The following C2orf49 variants were observed in gnomAD, a reference collection of about 807,000 sequenced individuals.
C2orf49 encodes the protein tRNA splicing ligase complex subunit 2, also known as tRNA-splicing ligase complex subunit ASW.
C2orf49 carries 11 observed loss-of-function variants against 20.6 expected under a neutral mutation model. The ratio of observed to expected loss-of-function variants is 0.53; its 90% CI spans 0.34 to 0.88. The LOEUF (loss-of-function observed/expected upper bound fraction) is 0.88. C2orf49 is among the 40% of genes least tolerant of loss of function. The pLI is 0.02. For synonymous variants in C2orf49, 134 were observed against 108.5 expected (o/e 1.24, Z -1.46); for missense variants, 289 against 274.2 (o/e 1.05, Z -0.38).
At chr2:105,351,875 A>G (rs1175577290), downstream of C2orf49, among the ~76,000 whole-genome samples, 1 of 152,190 alleles carries the variant, frequency 6.6e-6, no homozygotes, top group Non-Finnish European at 1.5e-5. Context: ...ATTAACCCCT[A>G]TAGGTGTACA....
chr2:105,365,089 A>G, the C2orf49 span, among the ~76,000 whole-genome samples: 4 of 152,054 alleles, frequency 2.6e-5, no homozygotes, highest in Admixed American at 6.6e-5. Context: ...CATGCTTCCC[A>G]CCCACATCAG....
rs1679833931 is a variant in C2orf49, at chr2:105,347,120, T to C, written c.*1749T>C. The C allele has an allele frequency of 6.6e-6, 1 of 151,388 alleles. No homozygotes were observed. Among genetic ancestry groups the C allele is most frequent in the South Asian group, 2.1e-4 (1 of 4,780 alleles). 9.4% of individuals were successfully genotyped at this position (151,388 alleles called of 1,614,324 possible). A position where few individuals can be genotyped will look rare whatever the true frequency, so the allele number is the denominator to read the frequency against. ...ACTAAGACTTTAACCCAATAGTTTT[T>C]AATCATTCTGCCTTTATTCCAAACT... On this transcript the variant is annotated 3_prime_UTR_variant, in exon 4 of 4. Transcript: ENST00000258457.
chr2:105,361,099 T>G, the C2orf49 span: 1 of 522,526 alleles, frequency 1.9e-6, no homozygotes, highest in Non-Finnish European at 3.2e-6. Context: ...GAGTTTTCTC[T>G]TTCCCTGGGA....
At chr2:105,383,095 A>T in the C2orf49 span, among the ~76,000 whole-genome samples, 2 of 152,194 alleles carry the variant, frequency 1.3e-5, no homozygotes, top group Non-Finnish European at 2.9e-5. Context: ...CATGTTGGCC[A>T]GGCTGGTCTC....
the C2orf49 span, among the ~76,000 whole-genome samples, chr2:105,370,870 C>G: frequency 6.6e-6 from 1 of 152,128 alleles, no homozygotes; most frequent in Admixed American, 6.5e-5. Context: ...ACCGAAGATT[C>G]AATGGGATTC....
the C2orf49 span, chr2:105,374,079 C>T: frequency 1.7e-4 from 53 of 319,240 alleles, no homozygotes; most frequent in Admixed American, 2.3e-3. Context: ...TCTCACACCA[C>T]ATCCGGTGAC....
At position 105,345,494 on chromosome 2, in the gene C2orf49, T is replaced by C; in HGVS notation, c.*123T>C. 1.3e-6 allele frequency: 1 copy of C among 769,160 alleles called. No individual in the cohort carries two copies. The highest frequency in any genetic ancestry group is 1.8e-5 in the South Asian group (1 of 54,486). The allele number at this position is 769,160 out of a possible 1,614,324, so 47.6% of individuals were successfully genotyped here. ...ATTTTCTTAAGAGGTTTCAAATAGG[T>C]TTAAAAAAATAAAGGATTTATTTTC... On this transcript the variant is annotated 3_prime_UTR_variant, in exon 4 of 4. Transcript: ENST00000258457.
the C2orf49 span, among the ~76,000 whole-genome samples, chr2:105,385,460 G>A: frequency 1.3e-5 from 2 of 152,210 alleles, no homozygotes; most frequent in Admixed American, 6.5e-5. Context: ...TCCCTACAGA[G>A]CACAAAGCAA....
At chr2:105,377,617 C>A in the C2orf49 span, 1 of 163,976 alleles carries the variant, frequency 6.1e-6, no homozygotes, top group Non-Finnish European at 1.3e-5. Context: ...GCCTGGGCAA[C>A]AAGAGTGAAA....
downstream of C2orf49, among the ~76,000 whole-genome samples, chr2:105,353,509 T>C (rs1019298632): frequency 5.3e-5 from 8 of 152,188 alleles, no homozygotes; most frequent in African/African-American, 1.9e-4. Context: ...TGTATTTAGT[T>C]TTTACCCCAT....
chr2:105,361,479 C>G, the C2orf49 span: 1 of 1,569,316 alleles, frequency 6.4e-7, no homozygotes. Context: ...AAGTTAGAAT[C>G]AGGCAACTGG....
chr2:105,383,021 G>A, the C2orf49 span, among the ~76,000 whole-genome samples: 2 of 152,296 alleles, frequency 1.3e-5, no homozygotes, highest in Admixed American at 1.3e-4. Flanking sequence ...AAGTAGCTGG[G>A]ATTACAGGTG....
the C2orf49 span, among the ~76,000 whole-genome samples, chr2:105,381,115 C>T: frequency 6.6e-6 from 1 of 152,098 alleles, no homozygotes; most frequent in African/African-American, 2.4e-5. Flanking sequence ...CTCCCTCCTT[C>T]GCACCCCATT....
chr2:105,357,601 T>C, the C2orf49 span: 1 of 152,182 alleles, frequency 6.6e-6, no homozygotes, highest in African/African-American at 2.4e-5. Context: ...AGATTACTTA[T>C]AATAATACCT....
chr2:105,351,592 G>C (rs531524226), downstream of C2orf49, among the ~76,000 whole-genome samples: 19 of 152,118 alleles, frequency 1.2e-4, no homozygotes, highest in African/African-American at 4.3e-4. Context: ...TTTCTGCTTT[G>C]GCCATTGAAA....
chr2:105,340,838 A>G (rs1679646431), intron 2 of C2orf49, among the ~76,000 whole-genome samples: 1 of 152,134 alleles, frequency 6.6e-6, no homozygotes, highest in Non-Finnish European at 1.5e-5. Context: ...TTCTATTTGT[A>G]AGGCACCGTC....
the C2orf49 span, among the ~76,000 whole-genome samples, chr2:105,362,525 C>T: frequency 1.3e-5 from 2 of 152,200 alleles, no homozygotes; most frequent in African/African-American, 2.4e-5. Flanking sequence ...CAAGTGTCTG[C>T]CACCTTCCTC....
the C2orf49 span, chr2:105,374,332 CG>C: frequency 0.038 from 5,918 of 155,792 alleles, 341 homozygotes; most frequent in African/African-American, 0.13. Flanking sequence ...GATCTGGGGA[CG>C]GGGGGCATGT....
chr2:105,347,268 C>G lies in C2orf49; in HGVS notation c.*1897C>G, dbSNP rs535384991. On this transcript the variant is annotated 3_prime_UTR_variant, in exon 4 of 4. Transcript: ENST00000258457. ...GTGGGCAACTGTGATCCTATACATACATATATGCAAAAGGGGATTTTAAAA... is the reference window on the plus strand; with the variant it reads ...GTGGGCAACTGTGATCCTATACATAGATATATGCAAAAGGGGATTTTAAAA... The G allele has an allele frequency of 1.4e-4, 21 of 152,296 alleles. No individual in the cohort carries two copies. Among genetic ancestry groups the G allele is most frequent in the African/African-American group, 5.1e-4 (21 of 41,554 alleles). 9.4% of individuals were successfully genotyped at this position (152,296 alleles called of 1,614,324 possible).
Sources: gnomAD v4.1 joint callset for allele counts (sites outside exome capture counted in the v4.1 genomes callset) on GRCh38, gnomAD v4.1.1 for gene constraint, MANE v1.5 for transcripts, NCBI Gene and HGNC (gene_info 2026-07-23, HGNC 2026-07-21) for gene names.